NFIA: variants seen among roughly 807,000 people sequenced by gnomAD.
NFIA encodes the protein nuclear factor I A.
In NFIA, 8 loss-of-function variants were observed where a neutral mutation model predicts 62.8. The observed-to-expected ratio is 0.13, with a 90% CI of 0.07 to 0.23. The LOEUF is 0.23. Ranked by LOEUF, NFIA falls within the 10% of genes least tolerant of loss-of-function variation. The pLI is 1.00. For missense variants in NFIA, 410 were observed against 642.1 expected, an observed-to-expected ratio of 0.64 and a Z score of 3.91; for synonymous variants, 235 against 238.1, an observed-to-expected ratio of 0.99 and a Z score of 0.12.
chr1:61,208,750 C>G (rs191203089), intron 2 of NFIA, among the ~76,000 whole-genome samples: 11 of 152,258 alleles, frequency 7.2e-5, no homozygotes, highest in African/African-American at 2.2e-4. Context: ...TTTCTTCCTA[C>G]TGTTAATTTT....
intron 2 of NFIA, among the ~76,000 whole-genome samples, chr1:61,177,364 C>T (rs2100556478): frequency 6.6e-6 from 1 of 152,210 alleles, no homozygotes; most frequent in South Asian, 2.1e-4. Context: ...TCTCCTATGC[C>T]TTCTGTACAC....
intron 2 of NFIA, among the ~76,000 whole-genome samples, chr1:61,109,034 G>A (rs1646651438): frequency 6.6e-6 from 1 of 151,804 alleles, no homozygotes; most frequent in Non-Finnish European, 1.5e-5. Context: ...GTGTGGCTCA[G>A]TCTCTTACGT....
intron 2 of NFIA, among the ~76,000 whole-genome samples, chr1:61,155,143 G>C (rs913610241): frequency 4.6e-5 from 7 of 152,108 alleles, no homozygotes; most frequent in Non-Finnish European, 1.0e-4. Flanking sequence ...CATCATATTG[G>C]TTATAGAAGA....
At chr1:61,352,624 T>C in intron 5 of NFIA, 57 bp downstream of exon 5, 2 of 1,320,300 alleles carry the variant, frequency 1.5e-6, no homozygotes, top group Non-Finnish European at 2.2e-6. Context: ...CACCTTGATT[T>C]TAACTCTGGG....
intron 2 of NFIA, among the ~76,000 whole-genome samples, chr1:61,183,648 T>C (rs911710012): frequency 2.0e-5 from 3 of 152,168 alleles, no homozygotes; most frequent in African/African-American, 7.2e-5. Context: ...CCCTTGGATG[T>C]TGGTTTTCTG....
At chr1:61,243,879 C>T (rs1358611738) in intron 2 of NFIA, among the ~76,000 whole-genome samples, 1 of 152,130 alleles carries the variant, frequency 6.6e-6, no homozygotes, top group South Asian at 2.1e-4. Flanking sequence ...GTTGTAGACA[C>T]AGTCCGTGTT....
At chr1:61,234,372 A>G (rs1654861956) in intron 2 of NFIA, among the ~76,000 whole-genome samples, 2 of 150,810 alleles carry the variant, frequency 1.3e-5, no homozygotes, top group South Asian at 2.1e-4. Flanking sequence ...CATCTCAAAA[A>G]AAAAAAAAAA....
At chr1:61,243,716 A>G (rs929745786) in intron 2 of NFIA, among the ~76,000 whole-genome samples, 3 of 152,232 alleles carry the variant, frequency 2.0e-5, no homozygotes, top group African/African-American at 4.8e-5. Context: ...AAGCATGACA[A>G]AATTCTAGAT....
intron 4 of NFIA, among the ~76,000 whole-genome samples, chr1:61,351,841 A>G (rs1363934428): frequency 6.6e-6 from 1 of 152,226 alleles, no homozygotes; most frequent in African/African-American, 2.4e-5. Flanking sequence ...GTCATAGACA[A>G]TATAGAAATG....
intron 4 of NFIA, among the ~76,000 whole-genome samples, chr1:61,336,852 T>TA (rs1367719193): frequency 6.6e-6 from 1 of 152,186 alleles, no homozygotes; most frequent in African/African-American, 2.4e-5. Context: ...TATGACTACT[T>TA]ACATGGGCTG....
At chr1:61,140,609 A>C (rs1328592769) in intron 2 of NFIA, among the ~76,000 whole-genome samples, 1 of 152,078 alleles carries the variant, frequency 6.6e-6, no homozygotes, top group Non-Finnish European at 1.5e-5. Flanking sequence ...TGGAGAACTC[A>C]GTGATAAAAG....
chr1:61,217,258 C>T (rs190571848), intron 2 of NFIA, among the ~76,000 whole-genome samples: 3 of 150,556 alleles, frequency 2.0e-5, no homozygotes, highest in Admixed American at 6.6e-5. Flanking sequence ...TTAGTAGAGA[C>T]GGGGTTTCAC....
At chr1:61,112,519 A>G (rs1646713889) in intron 2 of NFIA, among the ~76,000 whole-genome samples, 3 of 152,104 alleles carry the variant, frequency 2.0e-5, no homozygotes, top group South Asian at 2.1e-4. Context: ...TCTTTTGGCT[A>G]TTGCTGGACT....
intron 3 of NFIA, among the ~76,000 whole-genome samples, chr1:61,321,777 A>G (rs1660691754): frequency 6.6e-6 from 1 of 152,150 alleles, no homozygotes; most frequent in Admixed American, 6.6e-5. Context: ...TTGCAAAGAT[A>G]CAAATAGGTA....
chr1:61,106,791 C>A (rs547217509), intron 2 of NFIA, among the ~76,000 whole-genome samples: 13 of 151,580 alleles, frequency 8.6e-5, no homozygotes, highest in Admixed American at 8.6e-4. Flanking sequence ...TTTTCCTCTC[C>A]CATTACCCTG....
chr1:61,124,802 G>A (rs1646941695), intron 2 of NFIA: 1 of 152,200 alleles, frequency 6.6e-6, no homozygotes. Flanking sequence ...ACCTTGCAGA[G>A]CAGCATTCCC....
At chr1:61,105,095 T>C (rs543509608) in intron 2 of NFIA, among the ~76,000 whole-genome samples, 1 of 152,144 alleles carries the variant, frequency 6.6e-6, no homozygotes, top group East Asian at 1.9e-4. Flanking sequence ...CTATTATAAC[T>C]GTTTAATAAT....
At chr1:61,119,144 G>A (rs1294519092) in intron 2 of NFIA, among the ~76,000 whole-genome samples, 1 of 152,020 alleles carries the variant, frequency 6.6e-6, no homozygotes, top group African/African-American at 2.4e-5. Context: ...ATCTTTTCCT[G>A]TGAAATCTTA....
chr1:61,254,779 T>G (rs554114045), intron 2 of NFIA, among the ~76,000 whole-genome samples: 1 of 152,250 alleles, frequency 6.6e-6, no homozygotes, highest in African/African-American at 2.4e-5. Context: ...TAGTTAGTCA[T>G]GTGGACACAC....
Sources: gnomAD v4.1 joint callset for allele counts (sites outside exome capture counted in the v4.1 genomes callset) on GRCh38, gnomAD v4.1.1 for gene constraint, MANE v1.5 for transcripts, NCBI Gene and HGNC (gene_info 2026-07-23, HGNC 2026-07-21) for gene names.